The following SEPTIN12 variants were observed in gnomAD, a reference collection of about 807,000 sequenced individuals.
SEPTIN12 encodes septin 12.
A neutral mutation model predicts 37.7 loss-of-function variants in SEPTIN12; 42 were observed. That is an observed-to-expected ratio of 1.11 (90% CI 0.87 to 1.44). The LOEUF is 1.44. Ranked by LOEUF, SEPTIN12 falls within the 40% of genes most tolerant of loss-of-function variation. SEPTIN12 has a pLI of 0.00. For missense variants in SEPTIN12, 613 were observed against 479.2 expected (o/e 1.28, Z -2.61); for synonymous variants, 254 against 196.7 (o/e 1.29, Z -2.44).
upstream of SEPTIN12, among the ~76,000 whole-genome samples, chr16:4,791,692 CTTTT>C (rs1298561319): frequency 2.6e-5 from 4 of 152,034 alleles, no homozygotes; most frequent in Non-Finnish European, 5.9e-5. Context: ...TGACTTTTGT[CTTTT>C]TTGTTTTCTG....
rs769116017 is a variant in SEPTIN12 at position 4,784,029 on chromosome 16, C to T, written c.414G>A (p.Glu138=). Residue 138 remains glutamate, a synonymous_variant, in exon 5 of 10, where the codon GAG becomes GAA. Transcript: ENST00000268231. ...TGAGGATCTCCTCCTGCAGGTACTG[C>T]TCGTATTGCTCGTTGATGTAGCCCA... ...PILGYINEQY[E]QYLQEEILIT... 3.7e-6 allele frequency: 6 copies of T among 1,614,160 alleles called. No homozygotes were observed. Among genetic ancestry groups the T allele is most frequent in the Admixed American group, 1.7e-5 (1 of 60,014 alleles).
chr16:4,778,250 C>A, intron 8 of SEPTIN12, 113 bp from the exon 9 acceptor site: 16 of 1,077,322 alleles, frequency 1.5e-5, no homozygotes, highest in Non-Finnish European at 2.2e-5. Context: ...TTTCTCTTTA[C>A]CCTATCCTGC....
At position 4,785,819 on chromosome 16, in the gene SEPTIN12, T is replaced by C. The variant is rs575645034; in HGVS notation, c.362A>G (p.Asn121Ser). The C allele has an allele frequency of 1.2e-6, 2 of 1,610,252 alleles. No individual in the cohort carries two copies. Among genetic ancestry groups the C allele is most frequent in the South Asian group, 1.1e-5 (1 of 91,002 alleles). Reference protein sequence around the residue: ...TDTPGFGDQINNDNCWDPILG... With the variant: ...TDTPGFGDQISNDNCWDPILG... The stretch of plus-strand genomic sequence containing the variant: ...AGAGAGAACCTACCAGTTGTCATTG[T>C]TGATCTGGTCCCCGAAGCCGGGCGT... The change falls in exon 4 of 10, where the codon AAC becomes AGC. Residue 121 changes from asparagine to serine, a missense_variant. Coordinates refer to ENST00000268231, the MANE Select transcript of SEPTIN12 (RefSeq NM_144605.5).
upstream of SEPTIN12, among the ~76,000 whole-genome samples, chr16:4,791,521 C>T (rs1222496310): frequency 6.6e-6 from 1 of 152,100 alleles, no homozygotes; most frequent in Admixed American, 6.6e-5. Flanking sequence ...GATGAGTATA[C>T]TGAGGCAGAA....
chr16:4,778,710 G>A (rs1436368528), intron 8 of SEPTIN12, among the ~76,000 whole-genome samples: 1 of 152,022 alleles, frequency 6.6e-6, no homozygotes, highest in Non-Finnish European at 1.5e-5. Flanking sequence ...TGAGGCAGGA[G>A]AATCGCTTGA....
chr16:4,782,692 C>T (rs2082385199), intron 7 of SEPTIN12, among the ~76,000 whole-genome samples: 1 of 152,012 alleles, frequency 6.6e-6, no homozygotes, highest in East Asian at 1.9e-4. Flanking sequence ...TAACCTCCAC[C>T]TCCAAGATTC....
chr16:4,784,457 G>C (rs2082411627), intron 4 of SEPTIN12, among the ~76,000 whole-genome samples: 1 of 152,134 alleles, frequency 6.6e-6, no homozygotes, highest in Admixed American at 6.6e-5. Context: ...ACTGTAAGTA[G>C]CCAAACAGAT....
In SEPTIN12 at chr16:4,783,477, G is replaced by A. The variant is rs1170592563; in HGVS notation, c.711C>T (p.Leu237=). 3.7e-6 allele frequency: 6 copies of A among 1,614,000 alleles called. No homozygotes were observed. Among genetic ancestry groups the A allele is most frequent in the Admixed American group, 3.3e-5 (2 of 60,016 alleles). Residue 237 remains leucine (L), a synonymous_variant, in exon 7 of 10, where the codon CTC becomes CTT. Transcript: ENST00000268231. ...AGCCTCTCACCCGTAACTTGCTGTT[G>A]AGGATTTTGTCATTGATGTCCTCGT... is the stretch of plus-strand genomic sequence containing the variant. ...CFDEDINDKI[L]NSKLRDRIPF...
At chr16:4,782,131 G>A (rs1033815944) in intron 7 of SEPTIN12, among the ~76,000 whole-genome samples, 4 of 151,262 alleles carry the variant, frequency 2.6e-5, no homozygotes, top group African/African-American at 9.7e-5. Context: ...TGTATTTTTA[G>A]TAGAGACAGA....
chr16:4,786,138 G>A (rs774782864), intron 2 of SEPTIN12, 33 bp from the exon 3 acceptor site: 221 of 1,540,654 alleles, frequency 1.4e-4, no homozygotes, highest in Non-Finnish European at 4.4e-5. Context: ...AGCAGTTAGG[G>A]TGGGCGTTTT....
chr16:4,785,384 G>A (rs2082425697), intron 4 of SEPTIN12, among the ~76,000 whole-genome samples: 1 of 151,782 alleles, frequency 6.6e-6, no homozygotes, highest in Non-Finnish European at 1.5e-5. Flanking sequence ...AGATCACACA[G>A]CCTGGCTGTT....
chr16:4,781,144 A>G (rs541823408), intron 7 of SEPTIN12, among the ~76,000 whole-genome samples: 4 of 151,976 alleles, frequency 2.6e-5, no homozygotes, highest in Non-Finnish European at 5.9e-5. Context: ...CTATAGTCCC[A>G]GCTACTCAGG....
At position 4,783,725 on chromosome 16, in the gene SEPTIN12, C is replaced by T. The variant is rs775904604; in HGVS notation, c.554G>A (p.Arg185Gln). The change falls in exon 6 of 10, where the codon CGG becomes CAG. Residue 185 changes from arginine (R) to glutamine (Q), a missense_variant. Coordinates refer to ENST00000268231, the MANE Select transcript of SEPTIN12 (RefSeq NM_144605.5). ...AATCACGGGCACCACATTCACAGTCCGGCACAGCCGCTGCAGGAACTCAAT... is the reference window on the plus strand; with the variant it reads ...AATCACGGGCACCACATTCACAGTCTGGCACAGCCGCTGCAGGAACTCAAT... ...LDIEFLQRLC[R>Q]TVNVVPVIAR... 80 of 1,613,876 alleles carry T rather than the reference C, an allele frequency of 5.0e-5. No homozygotes were observed. Among genetic ancestry groups the T allele is most frequent in the African/African-American group, 3.1e-4 (23 of 74,922 alleles).
At chr16:4,786,843 T>G (rs1402514508) in intron 2 of SEPTIN12, among the ~76,000 whole-genome samples, 1 of 151,894 alleles carries the variant, frequency 6.6e-6, no homozygotes, top group Admixed American at 6.6e-5. Context: ...AGATGGGGTC[T>G]TGCTGTGTTG....
upstream of SEPTIN12, among the ~76,000 whole-genome samples, chr16:4,789,579 G>C (rs2082518683): frequency 6.6e-6 from 1 of 152,046 alleles, no homozygotes. Context: ...GCCCTCCTCG[G>C]CCTCCCAAAG....
intron 1 of SEPTIN12, 73 bp from the exon 2 acceptor site, chr16:4,787,740 A>T (rs1350363435): frequency 1.5e-6 from 1 of 661,102 alleles, no homozygotes; most frequent in Non-Finnish European, 2.6e-6. Context: ...TCCTATCTGA[A>T]CCCCTATTTG....
rs747448161 is a variant in SEPTIN12, at chr16:4,787,640, G to T, written c.6C>A (p.Asp2Glu). Reference sequence around the variant, plus strand: ...AGGGAGAGGGGGAGCGCCTCAGGGGGTCCATGGGGGCCAAGGGTTCGAGAT... The same window carrying T: ...AGGGAGAGGGGGAGCGCCTCAGGGGTTCCATGGGGGCCAAGGGTTCGAGAT... M[D>E]PLRRSPSPCL... Residue 2 changes from aspartate to glutamate, a missense_variant, in exon 2 of 10, where the codon GAC (aspartate) becomes GAA (glutamate). By Grantham distance (45) the Asp-to-Glu change is conservative. Coordinates refer to ENST00000268231, the MANE Select transcript of SEPTIN12 (RefSeq NM_144605.5). 6.4e-6 allele frequency: 10 copies of T among 1,574,760 alleles called. No homozygotes were observed. In the African/African-American group the frequency reaches 1.1e-4, roughly 17 times the overall value.
chr16:4,782,172 A>C (rs1476063322), intron 7 of SEPTIN12, among the ~76,000 whole-genome samples: 2 of 150,888 alleles, frequency 1.3e-5, no homozygotes, highest in African/African-American at 4.9e-5. Flanking sequence ...CTGGTCTCGA[A>C]CCCCTGGCCG....
chr16:4,784,921 C>G (rs1330252088), intron 4 of SEPTIN12, among the ~76,000 whole-genome samples: 1 of 151,948 alleles, frequency 6.6e-6, no homozygotes, highest in African/African-American at 2.4e-5. Context: ...ACCAGCCTGG[C>G]CAACATGGGG....
Sources: allele counts gnomAD v4.1 joint callset (sites outside exome capture counted in the v4.1 genomes callset), GRCh38; gene constraint gnomAD v4.1.1; transcripts MANE v1.5; gene names NCBI Gene and HGNC (gene_info 2026-07-23, HGNC 2026-07-21).